Variants in ATP6V1A observed in about 807,000 individuals in gnomAD.
ATP6V1A encodes V-type proton ATPase catalytic subunit A.
ATP6V1A carries 18 observed loss-of-function variants against 70.1 expected under a neutral mutation model. The ratio of observed to expected loss-of-function variants is 0.26; its 90% confidence interval spans 0.18 to 0.38. The LOEUF (loss-of-function observed/expected upper bound fraction) is 0.38. ATP6V1A is among the 10% of genes least tolerant of loss of function. The probability of loss-of-function intolerance (pLI) is 1.00; values close to 1 mark genes in which losing one functional copy is unlikely to be tolerated. For missense variants in ATP6V1A, 424 were observed against 772.4 expected, an observed-to-expected ratio of 0.55 and a Z score of 5.35; for synonymous variants, 232 against 253.8, an observed-to-expected ratio of 0.91 and a Z score of 0.82.
intron 14 of ATP6V1A, among the ~76,000 whole-genome samples, chr3:113,809,083 TA>T (rs1709311193): frequency 1.4e-5 from 2 of 144,168 alleles, no homozygotes; most frequent in Admixed American, 6.9e-5. Context: ...AACCTGTCTC[TA>T]CTAAAAATAT....
chr3:113,789,271 C>A (rs1037800604), intron 7 of ATP6V1A, among the ~76,000 whole-genome samples: 1 of 152,132 alleles, frequency 6.6e-6, no homozygotes, highest in African/African-American at 2.4e-5. Flanking sequence ...TGGTTTTGAA[C>A]TCCTGACCTC....
chr3:113,804,264 A>G (rs1709251267), intron 13 of ATP6V1A, among the ~76,000 whole-genome samples: 1 of 151,426 alleles, frequency 6.6e-6, no homozygotes, highest in South Asian at 2.1e-4. Flanking sequence ...AAGTGTTGGG[A>G]CTCAGGCATG....
chr3:113,785,626 A>G (rs917355904), intron 5 of ATP6V1A, among the ~76,000 whole-genome samples: 2 of 146,126 alleles, frequency 1.4e-5, no homozygotes, highest in African/African-American at 5.1e-5. Context: ...CTATCACCTC[A>G]GCCTCCCAAG....
At chr3:113,776,550 G>A (rs1708914126) in intron 1 of ATP6V1A, among the ~76,000 whole-genome samples, 1 of 152,162 alleles carries the variant, frequency 6.6e-6, no homozygotes, top group African/African-American at 2.4e-5. Flanking sequence ...CAAAAGCTCT[G>A]TAAACATATA....
chr3:113,764,618 A>T (rs1399400235), intron 1 of ATP6V1A, among the ~76,000 whole-genome samples: 3 of 152,168 alleles, frequency 2.0e-5, no homozygotes, highest in Non-Finnish European at 2.9e-5. Flanking sequence ...GGCTGTTTGC[A>T]TCATAGGTAA....
chr3:113,786,761 TTTC>T (rs894850770), intron 6 of ATP6V1A, among the ~76,000 whole-genome samples: 121 of 151,676 alleles, frequency 8.0e-4, no homozygotes, highest in African/African-American at 2.4e-3. Flanking sequence ...TGTAACTCTG[TTTC>T]TTCTTCTTCT....
intron 1 of ATP6V1A, among the ~76,000 whole-genome samples, chr3:113,748,939 G>C (rs1045735705): frequency 1.3e-5 from 2 of 152,146 alleles, no homozygotes; most frequent in African/African-American, 4.8e-5. Flanking sequence ...AGAAAAAAAG[G>C]AAGTGTTACT....
intron 1 of ATP6V1A, among the ~76,000 whole-genome samples, chr3:113,749,262 ATCACAC>A (rs770432167): frequency 1.9e-5 from 2 of 105,310 alleles, no homozygotes; most frequent in Non-Finnish European, 3.7e-5. Flanking sequence ...TTATACACAG[ATCACAC>A]ACACACACAC....
In ATP6V1A at chr3:113,766,205, G is replaced by C. The variant is rs558737847; in HGVS notation, c.-13-12536G>C. 2.0e-5 allele frequency among the ~76,000 whole-genome samples: 3 copies of C among 152,140 alleles called. No individual in the cohort carries two copies. The East Asian group carries it at 5.8e-4, about 29-fold the overall frequency. On this transcript the variant is annotated intron_variant, in intron 1 of 14. Coordinates refer to ENST00000273398, the MANE Select transcript of ATP6V1A (RefSeq NM_001690.4). ...GCCTATAGATCCTGTGTCTGGTCAG[G>C]GCCTGCTTCCTTCTGGTTTGTAGAT...
In ATP6V1A at chr3:113,795,868, A is replaced by T. The variant is rs772210520; in HGVS notation, c.1227-8A>T. The T allele has an allele frequency of 1.7e-5, 28 of 1,600,804 alleles. No homozygotes were observed. The highest frequency in any genetic ancestry group is 1.6e-4 in the African/African-American group (12 of 74,116). On this transcript the variant is annotated splice_region_variant and splice_polypyrimidine_tract_variant and intron_variant, in intron 10 of 14. Coordinates refer to ENST00000273398, the MANE Select transcript of ATP6V1A (RefSeq NM_001690.4). Reference sequence around the variant, plus strand: ...TTTTTGTAATGACCATATTTTTTTTAAATTTAGAGTTTCTCCACCTGGTGG... The same window carrying T: ...TTTTTGTAATGACCATATTTTTTTTTAATTTAGAGTTTCTCCACCTGGTGG...
At chr3:113,783,706 TA>T (rs1457687354) in intron 3 of ATP6V1A, among the ~76,000 whole-genome samples, 1 of 152,200 alleles carries the variant, frequency 6.6e-6, no homozygotes, top group African/African-American at 2.4e-5. Context: ...TAGCTTGAGA[TA>T]ATAAACAGTT....
intron 8 of ATP6V1A, among the ~76,000 whole-genome samples, chr3:113,793,412 G>A (rs1709119595): frequency 6.6e-6 from 1 of 152,144 alleles, no homozygotes; most frequent in Non-Finnish European, 1.5e-5. Flanking sequence ...GTCATGAGTT[G>A]CAAATATGTC....
chr3:113,783,101 A>C (rs867431118), intron 3 of ATP6V1A, among the ~76,000 whole-genome samples: 3 of 152,206 alleles, frequency 2.0e-5, no homozygotes, highest in Non-Finnish European at 4.4e-5. Context: ...TAGTTTAGAG[A>C]GATTTCTAGA....
At position 113,762,960 on chromosome 3, in the gene ATP6V1A, G is replaced by A. The variant is rs192987455; in HGVS notation, c.-13-15781G>A. On this transcript the variant is annotated intron_variant, in intron 1 of 14. Coordinates refer to ENST00000273398, the MANE Select transcript of ATP6V1A (RefSeq NM_001690.4). ...AAAAGGCTTGAACATCTTTAAGGGC[G>A]TGGTTGCATATTACCAATTTTTTCC... Among the ~76,000 whole-genome samples the A allele has an allele frequency of 1.9e-3, 292 of 152,140 alleles. 3 individuals carry two copies. Among genetic ancestry groups the A allele is most frequent in the South Asian group, 0.011 (52 of 4,822 alleles).
intron 7 of ATP6V1A, 127 bp from the exon 8 acceptor site, chr3:113,789,605 A>T: frequency 1.6e-6 from 1 of 620,418 alleles, no homozygotes; most frequent in Non-Finnish European, 2.8e-6. Flanking sequence ...GGGGAATATT[A>T]CTTTAGGAAC....
chr3:113,791,123 T>C (rs1289966543), intron 8 of ATP6V1A, among the ~76,000 whole-genome samples: 1 of 152,176 alleles, frequency 6.6e-6, no homozygotes, highest in East Asian at 1.9e-4. Flanking sequence ...AAATTGCATC[T>C]GAAACTTTTT....
At chr3:113,776,606 C>T (rs1278082334) in intron 1 of ATP6V1A, among the ~76,000 whole-genome samples, 1 of 152,194 alleles carries the variant, frequency 6.6e-6, no homozygotes, top group Non-Finnish European at 1.5e-5. Context: ...ATTTCCAGAG[C>T]TTCTTCGACT....
intron 1 of ATP6V1A, among the ~76,000 whole-genome samples, chr3:113,775,785 G>A (rs1708905050): frequency 6.6e-6 from 1 of 152,262 alleles, no homozygotes; most frequent in South Asian, 2.1e-4. Flanking sequence ...GAGGAACTTA[G>A]ACTGTGTATG....
chr3:113,780,455 A>AAGGATATTTAT (rs1708965095), intron 2 of ATP6V1A, among the ~76,000 whole-genome samples: 1 of 152,254 alleles, frequency 6.6e-6, no homozygotes, highest in East Asian at 1.9e-4. Flanking sequence ...GACTGATTAT[A>AAGGATATTTAT]AATATCCTTA....
Sources: gnomAD v4.1 joint callset for allele counts (sites outside exome capture counted in the v4.1 genomes callset) on GRCh38, gnomAD v4.1.1 for gene constraint, MANE v1.5 for transcripts, NCBI Gene and HGNC (gene_info 2026-07-23, HGNC 2026-07-21) for gene names.